CWC27: variants seen among roughly 807,000 people sequenced by gnomAD.
CWC27 encodes the protein spliceosome-associated protein CWC27 homolog.
In CWC27, 47 loss-of-function variants were observed where a neutral mutation model predicts 63.6. The ratio of observed to expected loss-of-function variants is 0.74; its 90% CI spans 0.58 to 0.94. The LOEUF (loss-of-function observed/expected upper bound fraction) is 0.94. CWC27 is among the 40% of genes least tolerant of loss of function. CWC27 has a pLI of 0.00. For synonymous variants in CWC27, 175 were observed against 179.8 expected (o/e 0.97, Z 0.22); for missense variants, 495 against 554.3 (o/e 0.89, Z 1.07).
At position 64,826,350 on chromosome 5, in the gene CWC27, G is replaced by A. The variant is rs565772901; in HGVS notation, c.938+21964G>A. On this transcript the variant is annotated intron_variant, in intron 10 of 13. Coordinates refer to ENST00000381070, the MANE Select transcript of CWC27 (RefSeq NM_005869.4). ...GTCTACATTAATTTCATTGTGGTCA[G>A]AGGACATATTCTGTATGATTTCAGT... is the stretch of plus-strand genomic sequence containing the variant. Among the ~76,000 whole-genome samples the A allele has an allele frequency of 2.0e-5, 3 of 152,286 alleles. No individual in the cohort carries two copies. In the South Asian group the frequency reaches 6.2e-4, roughly 32 times the overall value.
chr5:64,824,578 G>T (rs952367775), intron 10 of CWC27, among the ~76,000 whole-genome samples: 1 of 151,946 alleles, frequency 6.6e-6, no homozygotes, highest in Admixed American at 6.6e-5. Context: ...TCTAGCTGGG[G>T]CTCTACTCAC....
intron 10 of CWC27, among the ~76,000 whole-genome samples, chr5:64,825,644 T>G (rs1478345113): frequency 6.6e-6 from 1 of 152,196 alleles, no homozygotes; most frequent in African/African-American, 2.4e-5. Context: ...CCCTCTTCTT[T>G]TCTGATATAT....
At chr5:64,910,600 C>G (rs906118371) in intron 11 of CWC27, among the ~76,000 whole-genome samples, 22 of 152,220 alleles carry the variant, frequency 1.4e-4, no homozygotes, top group African/African-American at 5.1e-4. Flanking sequence ...CTGCGGTGGG[C>G]TCCACCCAGT....
chr5:64,826,379 T>G (rs1745359308), intron 10 of CWC27, among the ~76,000 whole-genome samples: 1 of 152,182 alleles, frequency 6.6e-6, no homozygotes, highest in African/African-American at 2.4e-5. Context: ...TTTCAGTTAT[T>G]TGACATTTAT....
chr5:64,960,997 G>A (rs1418359017), intron 11 of CWC27, among the ~76,000 whole-genome samples: 1 of 152,038 alleles, frequency 6.6e-6, no homozygotes, highest in Non-Finnish European at 1.5e-5. Context: ...TGAGACAACA[G>A]AGGGTATAAG....
At position 64,869,410 on chromosome 5, in the gene CWC27, C is replaced by A. The variant is rs368963304; in HGVS notation, c.939-16033C>A. Among the ~76,000 whole-genome samples the A allele has an allele frequency of 9.9e-4, 150 of 152,142 alleles. 1 individual carries two copies. The highest frequency in any genetic ancestry group is 3.5e-3 in the African/African-American group (144 of 41,538). On this transcript the variant is annotated intron_variant, in intron 10 of 13. Transcript: ENST00000381070. ...AGTTTCCAAAGTGCTTTTCCTGGCT[C>A]ACATCTTGTCCTTATTTTCTTGAAG...
chr5:64,966,688 T>A (rs1358789006), intron 11 of CWC27, among the ~76,000 whole-genome samples: 1 of 152,150 alleles, frequency 6.6e-6, no homozygotes, highest in African/African-American at 2.4e-5. Flanking sequence ...GAGCACATAT[T>A]CTTTCTTTTT....
At chr5:64,773,422 A>G (rs1457636156) in intron 1 of CWC27, among the ~76,000 whole-genome samples, 1 of 152,228 alleles carries the variant, frequency 6.6e-6, no homozygotes, top group African/African-American at 2.4e-5. Flanking sequence ...ACACAGACAG[A>G]AAGTAGATTA....
chr5:64,969,987 A>G (rs1749087911), intron 11 of CWC27, among the ~76,000 whole-genome samples: 2 of 152,186 alleles, frequency 1.3e-5, no homozygotes, highest in Admixed American at 1.3e-4. Context: ...GGGTTTAAGA[A>G]TACTAGTTAT....
chr5:64,862,066 CT>C (rs1561438382), intron 10 of CWC27, among the ~76,000 whole-genome samples: 1 of 152,156 alleles, frequency 6.6e-6, no homozygotes, highest in African/African-American at 2.4e-5. Context: ...TAGTATATTG[CT>C]TCATGTTGTT....
chr5:64,954,571 C>T (rs114562528), intron 11 of CWC27, among the ~76,000 whole-genome samples: 4,846 of 149,760 alleles, frequency 0.032, 203 homozygotes, highest in African/African-American at 0.094. Flanking sequence ...AGGAATGAGC[C>T]ACCGTGCACA....
Position 64,781,914 on chromosome 5 carries a change from T to A in CWC27, c.140-7T>A, listed in dbSNP as rs750554640. The A allele has an allele frequency of 2.1e-6, 3 of 1,446,312 alleles. No individual in the cohort carries two copies. Among genetic ancestry groups the A allele is most frequent in the Non-Finnish European group, 2.9e-6 (3 of 1,042,140 alleles). The allele number at this position is 1,446,312 out of a possible 1,614,324, so 89.6% of individuals were successfully genotyped here. On this transcript the variant is annotated splice_polypyrimidine_tract_variant and splice_region_variant and intron_variant, in intron 2 of 13. Coordinates refer to ENST00000381070, the MANE Select transcript of CWC27 (RefSeq NM_005869.4). Reference sequence around the variant, plus strand: ...ACATTGATAAATTATTTTTATTTTTTTTTCAGCTTATTATGACAATACCAT... The same window carrying A: ...ACATTGATAAATTATTTTTATTTTTATTTCAGCTTATTATGACAATACCAT...
intron 10 of CWC27, among the ~76,000 whole-genome samples, chr5:64,877,058 A>G (rs937542128): frequency 6.6e-6 from 1 of 151,956 alleles, no homozygotes; most frequent in African/African-American, 2.4e-5. Flanking sequence ...AAATCCCTCT[A>G]CTGGATATTA....
chr5:64,858,063 G>A (rs564188878), intron 10 of CWC27, among the ~76,000 whole-genome samples: 5 of 136,452 alleles, frequency 3.7e-5, no homozygotes, highest in East Asian at 2.2e-4. Flanking sequence ...GCGTGAACCC[G>A]GGAGGCGGAG....
intron 10 of CWC27, among the ~76,000 whole-genome samples, chr5:64,881,594 C>T (rs1746935672): frequency 6.6e-6 from 1 of 152,030 alleles, no homozygotes; most frequent in African/African-American, 2.4e-5. Context: ...ATAACTTACC[C>T]CTAATTTATA....
intron 1 of CWC27, among the ~76,000 whole-genome samples, chr5:64,771,237 A>G (rs1423531): frequency 0.011 from 1,602 of 152,312 alleles, 25 homozygotes; most frequent in African/African-American, 0.036. Flanking sequence ...TTGGTCTGTG[A>G]AGAATTTGAA....
chr5:64,836,481 T>C (rs1303655177), intron 10 of CWC27, among the ~76,000 whole-genome samples: 1 of 152,028 alleles, frequency 6.6e-6, no homozygotes, highest in Non-Finnish European at 1.5e-5. Context: ...TTCTTGGAAC[T>C]GCATGGAGAT....
At chr5:64,813,394 A>C (rs1744942155) in intron 10 of CWC27, among the ~76,000 whole-genome samples, 1 of 151,524 alleles carries the variant, frequency 6.6e-6, no homozygotes, top group South Asian at 2.1e-4. Flanking sequence ...ACAAACAAAC[A>C]AAAAAAATCC....
chr5:64,957,581 C>G (rs2112430676), intron 11 of CWC27, among the ~76,000 whole-genome samples: 1 of 152,270 alleles, frequency 6.6e-6, no homozygotes. Flanking sequence ...ATATGCCCCT[C>G]AACAATTCTC....
Sources: allele counts gnomAD v4.1 joint callset (sites outside exome capture counted in the v4.1 genomes callset), GRCh38; gene constraint gnomAD v4.1.1; transcripts MANE v1.5; gene names NCBI Gene and HGNC (gene_info 2026-07-23, HGNC 2026-07-21).